FAM186B: variants seen among roughly 807,000 people sequenced by gnomAD.
The protein encoded by FAM186B is protein FAM186B.
A neutral mutation model predicts 83.4 loss-of-function variants in FAM186B; 68 were observed. The ratio of observed to expected loss-of-function variants is 0.81; its 90% confidence interval spans 0.67 to 1.00. The LOEUF (loss-of-function observed/expected upper bound fraction) is 1.00, where lower values mean the gene tolerates loss of function less well. FAM186B is among the 50% of genes least tolerant of loss of function. FAM186B has a pLI of 0.00. For synonymous variants in FAM186B, 389 were observed against 422.0 expected, an observed-to-expected ratio of 0.92 and a Z score of 0.96; for missense variants, 983 against 1,099.2, an observed-to-expected ratio of 0.89 and a Z score of 1.49.
At chr12:49,613,300 G>C in the FAM186B span, among the ~76,000 whole-genome samples, 1 of 152,116 alleles carries the variant, frequency 6.6e-6, no homozygotes, top group African/African-American at 2.4e-5. Flanking sequence ...GGCCGAGGTG[G>C]GCAGATCACG....
At chr12:49,598,565 C>T (rs1939781080) in intron 5 of FAM186B, among the ~76,000 whole-genome samples, 190 bp downstream of exon 5, 1 of 152,150 alleles carries the variant, frequency 6.6e-6, no homozygotes, top group African/African-American at 2.4e-5. Context: ...CTGCCCACCC[C>T]CATGCTCAGG....
the FAM186B span, among the ~76,000 whole-genome samples, chr12:49,615,794 G>GAA: frequency 8.7e-6 from 1 of 114,604 alleles, no homozygotes; most frequent in Admixed American, 8.6e-5. Flanking sequence ...GTCTCAAAAA[G>GAA]AAAAAAAAAA....
intron 5 of FAM186B, chr12:49,595,742 G>T: frequency 3.9e-6 from 1 of 254,312 alleles, no homozygotes; most frequent in Non-Finnish European, 8.0e-6. Context: ...CCAGCATTTT[G>T]GGAGGCTGAG....
At chr12:49,614,819 C>G in the FAM186B span, among the ~76,000 whole-genome samples, 33,272 of 151,910 alleles carry the variant, frequency 0.22, 6,082 homozygotes, top group African/African-American at 0.51. Context: ...AAGTGGGAAG[C>G]GGGGTGAGTG....
intron 6 of FAM186B, among the ~76,000 whole-genome samples, chr12:49,587,969 G>A (rs565076020): frequency 1.3e-5 from 2 of 152,266 alleles, no homozygotes; most frequent in South Asian, 2.1e-4. Context: ...TTCCCAGGGC[G>A]GCCCCTGTCC....
chr12:49,597,588 C>T (rs7313590), intron 5 of FAM186B, among the ~76,000 whole-genome samples: 2,410 of 151,980 alleles, frequency 0.016, 61 homozygotes, highest in African/African-American at 0.054. Flanking sequence ...AGGATTTTTG[C>T]CAAATGAGTA....
In FAM186B at chr12:49,605,439, T is replaced by C. The variant is rs1476208053; in HGVS notation, c.39A>G (p.Thr13=). Reference sequence around the variant, plus strand: ...TCCTCAGGATGATGGCTTTCACTGATGTGGGAGTCACCAACTGTGGGGGGT... The same window carrying C: ...TCCTCAGGATGATGGCTTTCACTGACGTGGGAGTCACCAACTGTGGGGGGT... ...KDDPPQLVTP[T]SVKAIILRIE... The change falls in exon 1 of 7, where the codon ACA becomes ACG. Residue 13 remains threonine, a synonymous_variant. Transcript: ENST00000257894. 1 of 1,613,796 alleles carries C rather than the reference T, an allele frequency of 6.2e-7. No individual in the cohort carries two copies. The highest frequency in any genetic ancestry group is 8.5e-7 in the Non-Finnish European group (1 of 1,179,950).
At chr12:49,591,296 G>A (rs1210719023) in intron 5 of FAM186B, among the ~76,000 whole-genome samples, 3 of 152,214 alleles carry the variant, frequency 2.0e-5, no homozygotes, top group South Asian at 2.1e-4. Flanking sequence ...TTAAGTCTCT[G>A]TGCAGGCCTG....
intron 5 of FAM186B, chr12:49,595,467 G>C (rs764943079): frequency 4.2e-5 from 20 of 477,784 alleles, no homozygotes; most frequent in Non-Finnish European, 5.4e-5. Context: ...TGGCTCATGA[G>C]ATCAGTTTTG....
At chr12:49,618,956 A>G in the FAM186B span, among the ~76,000 whole-genome samples, 1 of 152,258 alleles carries the variant, frequency 6.6e-6, no homozygotes, top group Non-Finnish European at 1.5e-5. Flanking sequence ...GCAATTTCAG[A>G]ACATTGGAAA....
rs774244075 is a variant in FAM186B at position 49,601,037 on chromosome 12, G to A, written c.603C>T (p.Asp201=). Reference sequence around the variant, plus strand: ...AGGCCTTCGTGTTCATGGTATGCTGGTCCTGGAGCATCTGTTCTGGGCTTA... The same window carrying A: ...AGGCCTTCGTGTTCATGGTATGCTGATCCTGGAGCATCTGTTCTGGGCTTA... ...QPLSPEQMLQ[D]QHTMNTKASE... The change falls in exon 4 of 7, where the codon GAC becomes GAT. Residue 201 remains aspartate (D), a synonymous_variant. Transcript: ENST00000257894. 1.9e-6 allele frequency: 3 copies of A among 1,614,124 alleles called. No individual in the cohort carries two copies. The highest frequency in any genetic ancestry group is 1.7e-5 in the Admixed American group (1 of 60,030).
At chr12:49,605,222 G>A (rs1299601798) in intron 1 of FAM186B, 160 bp downstream of exon 1, 1 of 1,467,168 alleles carries the variant, frequency 6.8e-7, no homozygotes, top group African/African-American at 1.4e-5. Flanking sequence ...CCAAGTTTAG[G>A]AGAGAGATAA....
In FAM186B at chr12:49,588,334, G is replaced by A. The variant is rs150786178; in HGVS notation, c.2534+120C>T. The stretch of plus-strand genomic sequence containing the variant: ...TGAGAAGACAGGCACTTTGCAACTC[G>A]TAGGGTGATATTGGCCTGTTGGTGC... On this transcript the variant is annotated intron_variant, in intron 6 of 6. Transcript: ENST00000257894. The A allele has an allele frequency of 9.3e-5, 117 of 1,264,318 alleles. 1 individual carries two copies. The highest frequency in any genetic ancestry group is 5.7e-4 in the Middle Eastern group (2 of 3,538). 78.3% of individuals were successfully genotyped at this position (1,264,318 alleles called of 1,614,324 possible). A position where few individuals can be genotyped will look rare whatever the true frequency, so the allele number is the denominator to read the frequency against.
At chr12:49,618,535 C>G in the FAM186B span, among the ~76,000 whole-genome samples, 1 of 151,006 alleles carries the variant, frequency 6.6e-6, no homozygotes, top group Non-Finnish European at 1.5e-5. Context: ...AAATTTGGAG[C>G]AGAGATTATG....
chr12:49,609,933 G>C (rs1315746322), upstream of FAM186B, among the ~76,000 whole-genome samples: 1 of 152,194 alleles, frequency 6.6e-6, no homozygotes, highest in Non-Finnish European at 1.5e-5. Flanking sequence ...GCTTCTGCCA[G>C]TAAACAAGGA....
the FAM186B span, among the ~76,000 whole-genome samples, chr12:49,610,706 C>T: frequency 1.3e-5 from 2 of 149,982 alleles, no homozygotes; most frequent in African/African-American, 4.9e-5. Context: ...AGGAGAGTGG[C>T]GTGAACGCGG....
chr12:49,614,452 T>C, the FAM186B span, among the ~76,000 whole-genome samples: 7 of 152,214 alleles, frequency 4.6e-5, no homozygotes, highest in African/African-American at 1.7e-4. Context: ...CTGGAGGCTA[T>C]TATCCTAAGC....
rs1363464492 is a variant in FAM186B at position 49,599,046 on chromosome 12, G to A, written c.2172-99C>T. 11 of 1,276,670 alleles carry A rather than the reference G, an allele frequency of 8.6e-6. No individual in the cohort carries two copies. The Admixed American group carries it at 1.6e-4, about 19-fold the overall frequency. 79.1% of individuals were successfully genotyped at this position (1,276,670 alleles called of 1,614,324 possible). ...ACTTTGTTTTCTTTAATTCCTTAGA[G>A]CAAAAAGAGAAATGGAGGCTGGTGA... On this transcript the variant is annotated intron_variant, in intron 4 of 6. Coordinates refer to ENST00000257894, the MANE Select transcript of FAM186B (RefSeq NM_032130.3).
At chr12:49,583,229 A>G (rs1939373416), downstream of FAM186B, 2 of 360,806 alleles carry the variant, frequency 5.5e-6, no homozygotes, top group Non-Finnish European at 1.1e-5. Flanking sequence ...GTCAAATTTA[A>G]TATTCAAAAT....
Sources: allele counts gnomAD v4.1 joint callset (sites outside exome capture counted in the v4.1 genomes callset), GRCh38; gene constraint gnomAD v4.1.1; transcripts MANE v1.5; gene names NCBI Gene and HGNC (gene_info 2026-07-23, HGNC 2026-07-21).